Variants in GPR107 observed in about 807,000 individuals in gnomAD.
GPR107 encodes the protein protein GPR107.
GPR107 carries 31 observed loss-of-function variants against 75.5 expected under a neutral mutation model. That is an observed-to-expected ratio of 0.41 (90% CI 0.31 to 0.55). The LOEUF (loss-of-function observed/expected upper bound fraction) is 0.55, where lower values mean the gene tolerates loss of function less well. Among genes scored for constraint, GPR107 ranks in the 20% least tolerant of loss-of-function variants. GPR107 has a pLI of 0.26. For missense variants in GPR107, 572 were observed against 665.7 expected (o/e 0.86, Z 1.55); for synonymous variants, 267 against 251.3 (o/e 1.06, Z -0.59).
rs1831095571 is a variant in GPR107 at position 130,103,807 on chromosome 9, C to T, written c.1132-613C>T. Among the ~76,000 whole-genome samples, 1 of 152,232 alleles carries T rather than the reference C, an allele frequency of 6.6e-6. No individual in the cohort carries two copies. Among genetic ancestry groups the T allele is most frequent in the Admixed American group, 6.5e-5 (1 of 15,284 alleles). On this transcript the variant is annotated intron_variant, in intron 12 of 17. Coordinates refer to ENST00000347136, the MANE Select transcript of GPR107 (RefSeq NM_020960.5). This position sits in a 1 kb window ranked among gnomAD's most constrained non-coding sequence, Gnocchi z 4.3. The stretch of plus-strand genomic sequence containing the variant: ...CTGAAAAGCAAAGTGTCCCTGTTAT[C>T]TACTGCTGCATAACAAATCACCCCA...
chr9:130,134,792 T>C (rs1831910638), intron 17 of GPR107, among the ~76,000 whole-genome samples: 1 of 152,244 alleles, frequency 6.6e-6, no homozygotes. Flanking sequence ...CTGGAGAATC[T>C]CATTTTTCCT....
intron 5 of GPR107, among the ~76,000 whole-genome samples, chr9:130,083,138 C>T (rs1344760866): frequency 6.6e-6 from 1 of 151,876 alleles, no homozygotes; most frequent in East Asian, 2.0e-4. Flanking sequence ...CCAGGCTGGT[C>T]TCAAACTCCT....
At chr9:130,128,559 T>C (rs970905004) in intron 16 of GPR107, 81 bp from the exon 17 acceptor site, 39 of 1,142,098 alleles carry the variant, frequency 3.4e-5, no homozygotes, top group African/African-American at 3.4e-4. Context: ...TGGGGAAATA[T>C]GTCAGTTTGT....
rs765889669 is a variant in GPR107 at position 130,053,951 on chromosome 9, G to T, written c.19G>T (p.Val7Phe). 2 of 1,556,356 alleles carry T rather than the reference G, an allele frequency of 1.3e-6. No individual in the cohort carries two copies. The highest frequency in any genetic ancestry group is 2.4e-5 in the South Asian group (2 of 84,742). ...AACAAACATGGCCGCTCTGGCGCCC[G>T]TCGGCTCCCCCGCCTCCCGCGGTCC... The part of the protein sequence containing the change: MAALAP[V>F]GSPASRGPRL... Residue 7 changes from valine to phenylalanine, a missense_variant, in exon 1 of 18, where the codon GTC becomes TTC. Val to Phe is a conservative substitution (Grantham distance 50). Transcript: ENST00000347136.
intron 1 of GPR107, among the ~76,000 whole-genome samples, chr9:130,070,138 A>G (rs1428903349): frequency 6.8e-6 from 1 of 146,604 alleles, no homozygotes; most frequent in East Asian, 2.0e-4. Flanking sequence ...CTGGGACCAT[A>G]GGCTTGCACC....
At chr9:130,063,042 T>G (rs1406036261) in intron 1 of GPR107, among the ~76,000 whole-genome samples, 1 of 152,244 alleles carries the variant, frequency 6.6e-6, no homozygotes, top group African/African-American at 2.4e-5. Flanking sequence ...AATACCAATG[T>G]CTGGCGTATT....
At chr9:130,087,726 C>T (rs199637610) in intron 7 of GPR107, among the ~76,000 whole-genome samples, 1 of 142,368 alleles carries the variant, frequency 7.0e-6, no homozygotes. Flanking sequence ...TTACTTGAGC[C>T]TGGGGGGTCA....
Position 130,081,678 on chromosome 9 carries a change from AAAAAAAC to A in GPR107, c.527-1871_527-1865del, listed in dbSNP as rs1338866462. ...CAGAGTGAGACTCTGTCTCAAAAAA[AAAAAAAC>A]AAAAAACAAAAAACACAAAAATTAG... On this transcript the variant is annotated intron_variant, in intron 5 of 17. Transcript: ENST00000347136. Among the ~76,000 whole-genome samples the A allele has an allele frequency of 4.0e-4, 60 of 151,246 alleles. No homozygotes were observed. In the South Asian group the frequency reaches 7.5e-3, roughly 19 times the overall value.
intron 1 of GPR107, among the ~76,000 whole-genome samples, chr9:130,071,342 T>TC (rs1167341439): frequency 6.6e-6 from 1 of 152,080 alleles, no homozygotes; most frequent in African/African-American, 2.4e-5. Flanking sequence ...CCCTTTTTTT[T>TC]TCTATCAAAT....
intron 14 of GPR107, among the ~76,000 whole-genome samples, chr9:130,116,994 T>C (rs933797701): frequency 5.3e-5 from 8 of 151,514 alleles, no homozygotes; most frequent in Non-Finnish European, 1.2e-4. Context: ...TTGCCCAGGC[T>C]GGAGTGCAAT....
At chr9:130,079,342 G>A (rs1020920343) in intron 4 of GPR107, among the ~76,000 whole-genome samples, 1 of 152,170 alleles carries the variant, frequency 6.6e-6, no homozygotes, top group Non-Finnish European at 1.5e-5. Flanking sequence ...GCATTTTAAC[G>A]ATACTTAAGG....
intron 1 of GPR107, among the ~76,000 whole-genome samples, chr9:130,072,750 G>A (rs987437042): frequency 7.9e-5 from 12 of 151,596 alleles, no homozygotes; most frequent in Non-Finnish European, 1.8e-4. Flanking sequence ...GGTTGCAATC[G>A]AAACATTTTC....
At chr9:130,056,297 C>G (rs969682765) in intron 1 of GPR107, among the ~76,000 whole-genome samples, 1 of 150,738 alleles carries the variant, frequency 6.6e-6, no homozygotes, top group Non-Finnish European at 1.5e-5. Flanking sequence ...ACTAAAAATA[C>G]AAAAATTAGC....
At chr9:130,054,542 G>A (rs1829690670) in intron 1 of GPR107, among the ~76,000 whole-genome samples, 2 of 152,168 alleles carry the variant, frequency 1.3e-5, no homozygotes, top group South Asian at 2.1e-4. Context: ...GGCGCTCTCT[G>A]GAGCGAGACT....
At chr9:130,107,068 G>A (rs542191599) in intron 13 of GPR107, among the ~76,000 whole-genome samples, 2 of 152,324 alleles carry the variant, frequency 1.3e-5, no homozygotes, top group African/African-American at 4.8e-5. Flanking sequence ...GCATGGTGCT[G>A]TATGTTCACA....
chr9:130,087,946 C>T (rs1589502127), intron 7 of GPR107, among the ~76,000 whole-genome samples: 1 of 152,086 alleles, frequency 6.6e-6, no homozygotes, highest in African/African-American at 2.4e-5. Context: ...TCTGCGAAAG[C>T]CCCTCTATCC....
At chr9:130,064,081 G>A (rs1830001221) in intron 1 of GPR107, among the ~76,000 whole-genome samples, 1 of 151,730 alleles carries the variant, frequency 6.6e-6, no homozygotes. Flanking sequence ...ACAAAGTGCT[G>A]GGATTACAAG....
At chr9:130,118,942 G>A (rs2132638836) in intron 14 of GPR107, among the ~76,000 whole-genome samples, 1 of 152,288 alleles carries the variant, frequency 6.6e-6, no homozygotes. Flanking sequence ...CTGGGGCCTT[G>A]TCTCTCTCCC....
intron 16 of GPR107, among the ~76,000 whole-genome samples, chr9:130,128,118 A>C (rs1290907730): frequency 1.3e-5 from 2 of 152,238 alleles, no homozygotes; most frequent in Non-Finnish European, 2.9e-5. Context: ...CAGTCTTAAA[A>C]GTCAAGAGAA....
Sources: gnomAD v4.1 joint callset for allele counts (sites outside exome capture counted in the v4.1 genomes callset) on GRCh38, gnomAD v4.1.1 for gene constraint, Gnocchi (gnomAD v3.1) non-coding constraint, MANE v1.5 for transcripts, NCBI Gene and HGNC (gene_info 2026-07-23, HGNC 2026-07-21) for gene names.